RCOR1: variants seen among roughly 807,000 people sequenced by gnomAD.
RCOR1 encodes the protein REST corepressor 1, also known as REST corepressor.
RCOR1 carries 12 observed loss-of-function variants against 64.0 expected under a neutral mutation model. That is an observed-to-expected ratio of 0.19 (90% CI 0.12 to 0.30). RCOR1 has a LOEUF of 0.30. Among genes scored for constraint, RCOR1 ranks in the 10% least tolerant of loss-of-function variants. The pLI is 1.00. For synonymous variants in RCOR1, 279 were observed against 227.2 expected, an observed-to-expected ratio of 1.23 and a Z score of -2.05; for missense variants, 502 against 621.2, an observed-to-expected ratio of 0.81 and a Z score of 2.04.
chr14:102,711,156 T>C, intron 7 of RCOR1, 143 bp downstream of exon 7: 1 of 608,952 alleles, frequency 1.6e-6, no homozygotes, highest in South Asian at 2.3e-5. Flanking sequence ...AACAATACTG[T>C]CTTTGCTTTA....
chr14:102,716,290 T>C (rs1264370293), intron 8 of RCOR1, among the ~76,000 whole-genome samples: 1 of 152,206 alleles, frequency 6.6e-6, no homozygotes, highest in Non-Finnish European at 1.5e-5. Flanking sequence ...CTCTGAGTTG[T>C]TTTCTACAAC....
intron 2 of RCOR1, among the ~76,000 whole-genome samples, chr14:102,599,055 A>C (rs548992842): frequency 6.6e-6 from 1 of 152,106 alleles, no homozygotes; most frequent in African/African-American, 2.4e-5. Context: ...ATGCTTATCT[A>C]TCCTACCTCT....
In RCOR1 at chr14:102,627,738, C is replaced by CT. The variant is rs566615146; in HGVS notation, c.361+34413_361+34414insT. ...TGATTCTGTATATTCTTTCTTTTCT[C>CT]CTATTCTTTTACACATTTCATTCAG... On this transcript the variant is annotated intron_variant, in intron 2 of 11. Transcript: ENST00000262241. 4.8e-3 allele frequency among the ~76,000 whole-genome samples: 725 copies of CT among 151,892 alleles called. 6 individuals are homozygous for CT. Among genetic ancestry groups the CT allele is most frequent in the African/African-American group, 0.017 (709 of 41,428 alleles).
At chr14:102,613,411 C>CT in intron 2 of RCOR1, among the ~76,000 whole-genome samples, 1 of 148,908 alleles carries the variant, frequency 6.7e-6, no homozygotes, top group Non-Finnish European at 1.5e-5. Context: ...CTTTTTTTTT[C>CT]TTTTTTAAAC....
Position 102,592,902 on chromosome 14 carries a change from G to C in RCOR1, c.16G>C (p.Glu6Gln). 3.2e-6 allele frequency: 4 copies of C among 1,237,606 alleles called. No homozygotes were observed. The highest frequency in any genetic ancestry group is 4.1e-6 in the Non-Finnish European group (4 of 985,374). The allele number at this position is 1,237,606 out of a possible 1,614,324, so 76.7% of individuals were successfully genotyped here. A position where few individuals can be genotyped will look rare whatever the true frequency, so the allele number is the denominator to read the frequency against. Reference protein sequence around the residue: MPAMVEKGPEVSGKRR... With the variant: MPAMVQKGPEVSGKRR... ...GCCCCCGCCGATGCCGGCCATGGTG[G>C]AGAAGGGCCCCGAGGTCTCAGGGAA... is the stretch of plus-strand genomic sequence containing the variant. The change falls in exon 1 of 12, where the codon GAG becomes CAG. Residue 6 changes from glutamate (E) to glutamine (Q), a missense_variant. Physicochemically the swap from Glu to Gln is conservative, Grantham distance 29 (BLOSUM62 2). Coordinates refer to ENST00000262241, the MANE Select transcript of RCOR1 (RefSeq NM_015156.4).
chr14:102,611,074 T>C (rs568950789), intron 2 of RCOR1, among the ~76,000 whole-genome samples: 1 of 152,182 alleles, frequency 6.6e-6, no homozygotes, highest in Admixed American at 6.6e-5. Flanking sequence ...GTTTTTTGTT[T>C]GTTTGTTTTT....
At chr14:102,667,638 A>G (rs1194551293) in intron 2 of RCOR1, among the ~76,000 whole-genome samples, 1 of 152,186 alleles carries the variant, frequency 6.6e-6, no homozygotes, top group Non-Finnish European at 1.5e-5. Flanking sequence ...ATGAGAAACC[A>G]TGAAGTTGGA....
chr14:102,653,144 G>A (rs933602367), intron 2 of RCOR1, among the ~76,000 whole-genome samples: 26 of 152,108 alleles, frequency 1.7e-4, no homozygotes, highest in African/African-American at 5.1e-4. Flanking sequence ...GGATGATCTC[G>A]ATCTCTTGAC....
chr14:102,637,107 TTTTG>T lies in RCOR1; in HGVS notation c.361+43798_361+43801del, dbSNP rs1157886573. Among the ~76,000 whole-genome samples, 1,161 of 151,854 alleles carry T rather than the reference TTTTG, an allele frequency of 7.6e-3. 10 individuals are homozygous for T. Among genetic ancestry groups the T allele is most frequent in the African/African-American group, 0.025 (1,033 of 41,320 alleles). ...GTTAGTTTGGCTGTGTACAAGTTTT[TTTTG>T]TTTGTTTGTTTGTTTTTTTATTTTT... On this transcript the variant is annotated intron_variant, in intron 2 of 11. Transcript: ENST00000262241.
At chr14:102,613,417 T>A (rs1205193555) in intron 2 of RCOR1, among the ~76,000 whole-genome samples, 1 of 151,736 alleles carries the variant, frequency 6.6e-6, no homozygotes, top group Non-Finnish European at 1.5e-5. Flanking sequence ...TTTTCTTTTT[T>A]AAACATATTT....
intron 6 of RCOR1, chr14:102,710,664 A>T: frequency 2.5e-6 from 1 of 393,446 alleles, no homozygotes; most frequent in East Asian, 5.6e-5. Flanking sequence ...GATATAGAGC[A>T]ATAGTGTTTT....
chr14:102,700,929 G>A (rs1187512589), intron 3 of RCOR1, among the ~76,000 whole-genome samples: 6 of 152,190 alleles, frequency 3.9e-5, no homozygotes, highest in Admixed American at 3.9e-4. Flanking sequence ...TTACAATCAT[G>A]GTAGAAAGCG....
At chr14:102,660,197 T>TTCA (rs1894802071) in intron 2 of RCOR1, among the ~76,000 whole-genome samples, 1 of 152,244 alleles carries the variant, frequency 6.6e-6, no homozygotes, top group African/African-American at 2.4e-5. Flanking sequence ...ATCTGTTTAA[T>TTCA]TCATCCTAAT....
Position 102,685,078 on chromosome 14 carries a change from G to GTGT in RCOR1, c.445+3101_445+3102insGTT, listed in dbSNP as rs1555466185. 1.2e-3 allele frequency among the ~76,000 whole-genome samples: 171 copies of GTGT among 148,024 alleles called. 1 individual carries two copies. Among genetic ancestry groups the GTGT allele is most frequent in the African/African-American group, 3.3e-3 (133 of 40,514 alleles). The stretch of plus-strand genomic sequence containing the variant: ...TGGCTTTTCTTGTGTGTGTGTGTGT[G>GTGT]TTTTTTTTTTCCTCTTCTTTTCAAA... On this transcript the variant is annotated intron_variant, in intron 3 of 11. Coordinates refer to ENST00000262241, the MANE Select transcript of RCOR1 (RefSeq NM_015156.4).
chr14:102,607,196 G>A (rs2403068), intron 2 of RCOR1, among the ~76,000 whole-genome samples: 94,626 of 151,428 alleles, frequency 0.62, 30,612 homozygotes, highest in South Asian at 0.72. Flanking sequence ...GCCTCCCAAA[G>A]TGCTGGGATT....
intron 2 of RCOR1, among the ~76,000 whole-genome samples, chr14:102,632,659 C>CT (rs1403100939): frequency 6.2e-5 from 4 of 64,294 alleles, no homozygotes; most frequent in South Asian, 7.4e-4. Flanking sequence ...CTTTCCTTTC[C>CT]TTTCCTTTCC....
At chr14:102,676,268 C>T (rs1182873577) in intron 2 of RCOR1, among the ~76,000 whole-genome samples, 105 of 149,998 alleles carry the variant, frequency 7.0e-4, no homozygotes, top group Non-Finnish European at 1.1e-3. Context: ...AGGGGCTCCT[C>T]GCTTCCCAGT....
chr14:102,595,673 A>G (rs1213437373), intron 2 of RCOR1, among the ~76,000 whole-genome samples: 1 of 149,096 alleles, frequency 6.7e-6, no homozygotes, highest in Non-Finnish European at 1.5e-5. Context: ...TCCGCCTCCC[A>G]GGTTCACGCC....
At chr14:102,614,224 CT>C (rs5811076) in intron 2 of RCOR1, among the ~76,000 whole-genome samples, 67,867 of 105,954 alleles carry the variant, frequency 0.64, 19,456 homozygotes, top group Middle Eastern at 0.76. Context: ...ACATCTGGCT[CT>C]TTTTTTTTTT....
Sources: gnomAD v4.1 joint callset for allele counts (sites outside exome capture counted in the v4.1 genomes callset) on GRCh38, gnomAD v4.1.1 for gene constraint, MANE v1.5 for transcripts, NCBI Gene and HGNC (gene_info 2026-07-23, HGNC 2026-07-21) for gene names.